The following SUCLG2 variants were observed in gnomAD, a reference collection of about 807,000 sequenced individuals.
The protein encoded by SUCLG2 is succinate--CoA ligase [GDP-forming] subunit beta, mitochondrial.
A neutral mutation model predicts 47.9 loss-of-function variants in SUCLG2; 42 were observed. The observed-to-expected ratio is 0.88, with a 90% CI of 0.69 to 1.14. The LOEUF (loss-of-function observed/expected upper bound fraction) is 1.14. Ranked by LOEUF, SUCLG2 falls within the 50% of genes most tolerant of loss-of-function variation. The pLI is 0.00. For synonymous variants in SUCLG2, 195 were observed against 197.3 expected, an observed-to-expected ratio of 0.99 and a Z score of 0.10; for missense variants, 571 against 525.9, an observed-to-expected ratio of 1.09 and a Z score of -0.84.
At chr3:67,442,997 G>T (rs1703809192) in intron 9 of SUCLG2, among the ~76,000 whole-genome samples, 1 of 151,834 alleles carries the variant, frequency 6.6e-6, no homozygotes, top group South Asian at 2.1e-4. Flanking sequence ...AAAATATTCA[G>T]AAACGAAAAA....
At chr3:67,420,636 C>G (rs1432673563) in intron 9 of SUCLG2, among the ~76,000 whole-genome samples, 1 of 152,154 alleles carries the variant, frequency 6.6e-6, no homozygotes, top group Non-Finnish European at 1.5e-5. Context: ...ACTATCCAAT[C>G]CACAACTATC....
chr3:67,533,897 C>G (rs966218074), intron 2 of SUCLG2, among the ~76,000 whole-genome samples: 6 of 151,766 alleles, frequency 4.0e-5, no homozygotes, highest in Non-Finnish European at 7.4e-5. Context: ...TTCAACATGT[C>G]TGACATGGAC....
At chr3:67,462,108 C>G (rs1186601416) in intron 9 of SUCLG2, among the ~76,000 whole-genome samples, 2 of 152,038 alleles carry the variant, frequency 1.3e-5, no homozygotes, top group African/African-American at 4.8e-5. Context: ...CCTGTTACAG[C>G]CTTTTGTTAT....
chr3:67,428,472 T>C (rs1208150980), intron 9 of SUCLG2, among the ~76,000 whole-genome samples: 2 of 152,102 alleles, frequency 1.3e-5, no homozygotes, highest in Non-Finnish European at 2.9e-5. Context: ...CAAAGGTAGA[T>C]AAAACCACAA....
chr3:67,485,285 T>C (rs1705022493), intron 9 of SUCLG2, among the ~76,000 whole-genome samples: 1 of 152,234 alleles, frequency 6.6e-6, no homozygotes, highest in Non-Finnish European at 1.5e-5. Flanking sequence ...AATTTTCCTT[T>C]TTTATTGTTA....
intron 2 of SUCLG2, among the ~76,000 whole-genome samples, chr3:67,551,377 C>A (rs1258946414): frequency 6.6e-6 from 1 of 152,176 alleles, no homozygotes; most frequent in African/African-American, 2.4e-5. Context: ...AGGCCTGTGT[C>A]TTGTCTTGCT....
intron 2 of SUCLG2, among the ~76,000 whole-genome samples, chr3:67,582,839 C>A (rs1368830300): frequency 6.6e-6 from 1 of 152,012 alleles, no homozygotes; most frequent in South Asian, 2.1e-4. Flanking sequence ...CTAAACCATT[C>A]ATTTTGGTGG....
intron 9 of SUCLG2, among the ~76,000 whole-genome samples, chr3:67,405,173 C>G (rs1702774807): frequency 6.6e-6 from 1 of 152,118 alleles, no homozygotes; most frequent in African/African-American, 2.4e-5. Flanking sequence ...GCCCGGGTCC[C>G]CAGACCCCAG....
At chr3:67,627,362 G>A (rs1700851589) in intron 1 of SUCLG2, among the ~76,000 whole-genome samples, 1 of 152,180 alleles carries the variant, frequency 6.6e-6, no homozygotes, top group African/African-American at 2.4e-5. Context: ...GCAAATTGGA[G>A]CTGTTGCACA....
chr3:67,538,047 T>A (rs538047883), intron 2 of SUCLG2, among the ~76,000 whole-genome samples: 4 of 152,246 alleles, frequency 2.6e-5, no homozygotes, highest in Non-Finnish European at 4.4e-5. Flanking sequence ...GGTAGTTTCT[T>A]TTGCTGTACA....
At chr3:67,504,249 G>A (rs560046863) in intron 7 of SUCLG2, among the ~76,000 whole-genome samples, 9 of 151,542 alleles carry the variant, frequency 5.9e-5, no homozygotes, top group Non-Finnish European at 1.2e-4. Flanking sequence ...GGTATGGGGT[G>A]GGTAGGGGGG....
At chr3:67,449,155 C>T (rs1703995789) in intron 9 of SUCLG2, among the ~76,000 whole-genome samples, 1 of 152,120 alleles carries the variant, frequency 6.6e-6, no homozygotes, top group South Asian at 2.1e-4. Flanking sequence ...ACAGGCAGTC[C>T]CCTTTGGCAA....
At position 67,425,115 on chromosome 3, in the gene SUCLG2, T is replaced by C. The variant is rs149008790; in HGVS notation, c.1063-24264A>G. ...TAAATTCAATGTCATATAAGATTAC[T>C]ATGATTTATGGCTTCCTAACTGACT... On this transcript the variant is annotated intron_variant, in intron 9 of 10. Transcript: ENST00000307227. 1.4e-3 allele frequency among the ~76,000 whole-genome samples: 206 copies of C among 152,332 alleles called. 1 individual carries two copies. The highest frequency in any genetic ancestry group is 4.8e-3 in the African/African-American group (198 of 41,592).
At chr3:67,579,581 G>A (rs1243119567) in intron 2 of SUCLG2, among the ~76,000 whole-genome samples, 1 of 152,094 alleles carries the variant, frequency 6.6e-6, no homozygotes, top group African/African-American at 2.4e-5. Context: ...ACTTGCAGAG[G>A]GGTCTCTCTG....
intron 1 of SUCLG2, among the ~76,000 whole-genome samples, chr3:67,651,381 T>C (rs959865285): frequency 3.1e-4 from 47 of 152,136 alleles, no homozygotes; most frequent in African/African-American, 1.1e-3. Flanking sequence ...GTCTTTGCAC[T>C]TGCTGTCTGC....
At chr3:67,610,569 G>A (rs1427425057) in intron 1 of SUCLG2, among the ~76,000 whole-genome samples, 1 of 149,902 alleles carries the variant, frequency 6.7e-6, no homozygotes, top group Non-Finnish European at 1.5e-5. Context: ...CCATCCATGA[G>A]TCATATGCAA....
intron 9 of SUCLG2, among the ~76,000 whole-genome samples, chr3:67,418,986 TA>T (rs757240473): frequency 2.1e-3 from 299 of 144,594 alleles, no homozygotes; most frequent in Non-Finnish European, 2.1e-3. Context: ...GTCATGGATT[TA>T]AAAAAAAAAA....
At chr3:67,573,279 G>C (rs907979335) in intron 2 of SUCLG2, among the ~76,000 whole-genome samples, 3 of 152,056 alleles carry the variant, frequency 2.0e-5, no homozygotes, top group South Asian at 4.1e-4. Context: ...CAAAACACCA[G>C]CAGGTTTACT....
At chr3:67,611,681 G>A (rs980891802) in intron 1 of SUCLG2, among the ~76,000 whole-genome samples, 5 of 152,166 alleles carry the variant, frequency 3.3e-5, no homozygotes, top group African/African-American at 9.7e-5. Context: ...TTTGAAAAGA[G>A]CATTTGAGGG....
Sources: allele counts gnomAD v4.1 joint callset (sites outside exome capture counted in the v4.1 genomes callset), GRCh38; gene constraint gnomAD v4.1.1; transcripts MANE v1.5; gene names NCBI Gene and HGNC (gene_info 2026-07-23, HGNC 2026-07-21).